Variants in FOCAD observed in about 807,000 individuals in gnomAD.
The protein encoded by FOCAD is KIAA1797.
A neutral mutation model predicts 225.6 loss-of-function variants in FOCAD; 198 were observed. The ratio of observed to expected loss-of-function variants is 0.88; its 90% confidence interval spans 0.78 to 0.99. The LOEUF (loss-of-function observed/expected upper bound fraction) is 0.99. FOCAD is among the 50% of genes least tolerant of loss of function. The pLI, the probability that FOCAD is intolerant of heterozygous loss-of-function variation, is 0.00. For synonymous variants in FOCAD, 897 were observed against 755.0 expected (o/e 1.19, Z -3.08); for missense variants, 2,713 against 2,123.6 (o/e 1.28, Z -5.46).
At chr9:20,960,292 C>G (rs1416498337) in intron 35 of FOCAD, among the ~76,000 whole-genome samples, 1 of 152,206 alleles carries the variant, frequency 6.6e-6, no homozygotes, top group Non-Finnish European at 1.5e-5. Flanking sequence ...AGACGTGGAG[C>G]TGTGTGCTTC....
chr9:20,933,085 A>G lies in FOCAD; in HGVS notation c.3389A>G (p.Asp1130Gly). 6.2e-7 allele frequency: 1 copy of G among 1,613,710 alleles called. No homozygotes were observed. The highest frequency in any genetic ancestry group is 1.3e-5 in the African/African-American group (1 of 75,032). The change falls in exon 28 of 44, where the codon GAC (aspartate) becomes GGC (glycine). Residue 1130 changes from aspartate (D) to glycine (G), a missense_variant. Asp to Gly is a moderately conservative substitution (Grantham distance 94). Transcript: ENST00000338382. Reference sequence around the variant, plus strand: ...GATGCCCTGGAAAATTGCTGCTTTGACACTAGTCTTGAATACAAGTATGTT... The same window carrying G: ...GATGCCCTGGAAAATTGCTGCTTTGGCACTAGTCTTGAATACAAGTATGTT... ...SLDALENCCF[D>G]TSLEYNTGCI...
chr9:20,734,019 A>G (rs1826931467), intron 4 of FOCAD, among the ~76,000 whole-genome samples: 1 of 152,226 alleles, frequency 6.6e-6, no homozygotes, highest in South Asian at 2.1e-4. Context: ...TCAAAAAACA[A>G]ACAAACAAAC....
chr9:20,846,632 G>C (rs1175196394), intron 15 of FOCAD, among the ~76,000 whole-genome samples: 1 of 152,066 alleles, frequency 6.6e-6, no homozygotes, highest in African/African-American at 2.4e-5. Context: ...ACCCTATGTA[G>C]CAAGGCTTGT....
chr9:20,760,353 C>T (rs1282543967), intron 6 of FOCAD, among the ~76,000 whole-genome samples: 1 of 152,208 alleles, frequency 6.6e-6, no homozygotes, highest in African/African-American at 2.4e-5. Context: ...GTTTGAAATT[C>T]CCTGGACTAT....
At chr9:20,822,203 C>T (rs1020789721) in intron 14 of FOCAD, among the ~76,000 whole-genome samples, 4 of 151,848 alleles carry the variant, frequency 2.6e-5, no homozygotes, top group Non-Finnish European at 5.9e-5. Flanking sequence ...ATTTAGTATT[C>T]CTTTCAGTTA....
chr9:20,765,669 T>C (rs1563962848), intron 7 of FOCAD, among the ~76,000 whole-genome samples: 1 of 152,324 alleles, frequency 6.6e-6, no homozygotes, highest in East Asian at 1.9e-4. Flanking sequence ...AACAGAGGTA[T>C]GGATAAAACA....
chr9:20,765,801 T>A (rs1211391505), intron 7 of FOCAD, among the ~76,000 whole-genome samples: 1 of 152,218 alleles, frequency 6.6e-6, no homozygotes, highest in East Asian at 1.9e-4. Flanking sequence ...GTCCATCTCT[T>A]CCCATCATCT....
At chr9:20,933,504 C>A (rs1044470069) in intron 28 of FOCAD, among the ~76,000 whole-genome samples, 2 of 152,152 alleles carry the variant, frequency 1.3e-5, no homozygotes, top group Non-Finnish European at 2.9e-5. Flanking sequence ...CAGTCTCATC[C>A]AGATTGCTGT....
chr9:20,923,915 A>C (rs1268886156), intron 25 of FOCAD, 147 bp downstream of exon 25: 1 of 605,972 alleles, frequency 1.7e-6, no homozygotes, highest in Non-Finnish European at 2.9e-6. Context: ...TGTGAGCCTC[A>C]GTGTCTTCCT....
chr9:20,815,413 G>C (rs948743151), intron 11 of FOCAD, among the ~76,000 whole-genome samples: 1 of 151,112 alleles, frequency 6.6e-6, no homozygotes, highest in African/African-American at 2.4e-5. Flanking sequence ...CCAAAGTGTT[G>C]GGATTACAGG....
chr9:20,877,161 C>T (rs10757153), intron 19 of FOCAD, among the ~76,000 whole-genome samples: 129,289 of 151,994 alleles, frequency 0.85, 55,101 homozygotes, highest in Admixed American at 0.89. Context: ...ATAGGGTTTT[C>T]TCCCCCAGTA....
In FOCAD at chr9:20,717,795, C is replaced by A; in HGVS notation, c.59C>A (p.Ala20Asp). 1 of 1,610,416 alleles carries A rather than the reference C, an allele frequency of 6.2e-7. No individual in the cohort carries two copies. The highest frequency in any genetic ancestry group is 8.5e-7 in the Non-Finnish European group (1 of 1,178,126). Residue 20 changes from alanine (A) to aspartate (D), a missense_variant and splice_region_variant, in exon 3 of 44, where the codon GCT becomes GAT. By Grantham distance (126) the Ala-to-Asp change is moderately radical (BLOSUM62 -2). Coordinates refer to ENST00000338382, the MANE Select transcript of FOCAD (RefSeq NM_001375567.1). Reference sequence around the variant, plus strand: ...TCATTAATTTTATTTCTTTTTAAGGCTGTGGGTCATCTTATTGCTGCAGTC... The same window carrying A: ...TCATTAATTTTATTTCTTTTTAAGGATGTGGGTCATCTTATTGCTGCAGTC... ...EFPNSLIQSQAVGHLIAAVLK... is the reference protein window; with the variant it reads ...EFPNSLIQSQDVGHLIAAVLK...
intron 4 of FOCAD, among the ~76,000 whole-genome samples, chr9:20,724,803 A>G: frequency 6.6e-6 from 1 of 152,176 alleles, no homozygotes; most frequent in East Asian, 1.9e-4. Context: ...AGACACTCAA[A>G]TAGCCTCCTC....
At chr9:20,723,321 C>G (rs74664350) in intron 4 of FOCAD, among the ~76,000 whole-genome samples, 9,403 of 152,240 alleles carry the variant, frequency 0.062, 368 homozygotes, top group South Asian at 0.13. Context: ...AACCCTGTCT[C>G]TACTAAAAAT....
At chr9:20,885,807 T>C in intron 21 of FOCAD, among the ~76,000 whole-genome samples, 1 of 152,180 alleles carries the variant, frequency 6.6e-6, no homozygotes, top group Non-Finnish European at 1.5e-5. Flanking sequence ...ATTTTTATTG[T>C]TTTTAAATAT....
chr9:20,737,455 G>A (rs1029193504), intron 4 of FOCAD, among the ~76,000 whole-genome samples: 2 of 152,158 alleles, frequency 1.3e-5, no homozygotes, highest in South Asian at 4.1e-4. Flanking sequence ...CATCAACACT[G>A]GTCATTTCAA....
In FOCAD at chr9:20,781,745, T is replaced by C. The variant is rs1819389295; in HGVS notation, c.1013T>C (p.Val338Ala). Residue 338 changes from valine (V) to alanine (A), a missense_variant, in exon 10 of 44, where the codon GTT (valine) becomes GCT (alanine). Coordinates refer to ENST00000338382, the MANE Select transcript of FOCAD (RefSeq NM_001375567.1). ...TGAATAGCTTTGAAGCTCCTCTCTG[T>C]TACTGAGGATCAGAAAATCCCAAAG... is the stretch of plus-strand genomic sequence containing the variant. ...ILNLALKLLS[V>A]TEDQKIPKSS... is the part of the protein sequence containing the mutation. 1.2e-6 allele frequency: 2 copies of C among 1,613,702 alleles called. No individual in the cohort carries two copies. The highest frequency in any genetic ancestry group is 2.7e-5 in the African/African-American group (2 of 75,050).
Position 20,760,700 on chromosome 9 carries a change from C to A in FOCAD, c.494+2509C>A, listed in dbSNP as rs115636054. Among the ~76,000 whole-genome samples the A allele has an allele frequency of 2.3e-3, 355 of 152,200 alleles. 1 individual carries two copies. The highest frequency in any genetic ancestry group is 7.6e-3 in the African/African-American group (315 of 41,528). ...ATGGTTACATAATACCTTACAGTTG[C>A]GACATTATCATAATTACTCTCCTGT... On this transcript the variant is annotated intron_variant, in intron 6 of 43. Transcript: ENST00000338382.
At chr9:20,659,302 G>A (rs1243080005) in intron 2 of FOCAD, among the ~76,000 whole-genome samples, 1 of 150,036 alleles carries the variant, frequency 6.7e-6, no homozygotes, top group Non-Finnish European at 1.5e-5. Context: ...AGCTAATTCG[G>A]AGGCTGAGGC....
Sources: gnomAD v4.1 joint callset for allele counts (sites outside exome capture counted in the v4.1 genomes callset) on GRCh38, gnomAD v4.1.1 for gene constraint, MANE v1.5 for transcripts, NCBI Gene and HGNC (gene_info 2026-07-23, HGNC 2026-07-21) for gene names.